FAM120C: variants seen among roughly 807,000 people sequenced by gnomAD.
FAM120C encodes the protein family with sequence similarity 120 member C, also known as constitutive coactivator of PPAR-gamma-like protein 2.
A neutral mutation model predicts 71.2 loss-of-function variants in FAM120C; 14 were observed. The observed-to-expected ratio is 0.20, with a 90% CI of 0.13 to 0.31. FAM120C has a LOEUF of 0.31. Ranked by LOEUF, FAM120C falls within the 10% of genes least tolerant of loss-of-function variation. FAM120C has a pLI of 1.00. For missense variants in FAM120C, 500 were observed against 879.0 expected (o/e 0.57, Z 5.45); for synonymous variants, 354 against 353.2 (o/e 1.00, Z -0.03).
chrX:54,151,159 T>C, intron 4 of FAM120C, 86 bp downstream of exon 4: 1 of 1,040,445 alleles, frequency 9.6e-7, no homozygotes, highest in East Asian at 3.1e-5. Flanking sequence ...AAAACTTAGG[T>C]GTCACAGAAA....
At chrX:54,088,288 TG>T (rs782631666) in intron 11 of FAM120C, among the ~76,000 whole-genome samples, 1 of 111,560 alleles carries the variant, frequency 9.0e-6, no homozygotes, top group Non-Finnish European at 1.9e-5. Context: ...CATATAAAGC[TG>T]GTAAGAAATG....
intron 10 of FAM120C, among the ~76,000 whole-genome samples, chrX:54,114,929 T>C (rs1298476335): frequency 9.2e-6 from 1 of 109,157 alleles, no homozygotes; most frequent in African/African-American, 3.3e-5. Context: ...GTAATTTTTT[T>C]TCTTTTTTTT....
chrX:54,095,067 AAAAACAAAAC>A (rs200090345), intron 10 of FAM120C, among the ~76,000 whole-genome samples: 2 of 110,402 alleles, frequency 1.8e-5, no homozygotes, highest in African/African-American at 6.5e-5. Flanking sequence ...AACTTGTTTC[AAAAACAAAAC>A]AAAACAAAAC....
At chrX:54,143,766 G>A (rs967469283) in intron 4 of FAM120C, among the ~76,000 whole-genome samples, 1 of 111,653 alleles carries the variant, frequency 9.0e-6, no homozygotes, top group African/African-American at 3.3e-5. Context: ...TTCCTTCTGA[G>A]ACTATTCCAA....
chrX:54,174,159 G>A (rs2067303720), intron 1 of FAM120C: 2 of 511,522 alleles, frequency 3.9e-6, no homozygotes, highest in Admixed American at 2.7e-5. Context: ...TCATCAGAGT[G>A]ATCAAGCAAG....
In FAM120C at chrX:54,072,578, CA is replaced by C. The variant is rs781954563; in HGVS notation, c.*454del. On this transcript the variant is annotated 3_prime_UTR_variant, in exon 16 of 16. Coordinates refer to ENST00000375180, the MANE Select transcript of FAM120C (RefSeq NM_017848.6). ...CCACTTCATAGAGAAAAAAAAAAAA[CA>C]AAAAAAAACCTCAGGAGGCCACAGC... 6.9e-5 allele frequency: 7 copies of C among 101,781 alleles called. No homozygotes were observed. The highest frequency in any genetic ancestry group is 1.1e-4 in the Admixed American group (1 of 9,244). 8.4% of individuals were successfully genotyped at this position (101,781 alleles called of 1,213,427 possible). A position where few individuals can be genotyped will look rare whatever the true frequency, so the allele number is the denominator to read the frequency against.
At chrX:54,165,782 AAAT>A (rs1244637920) in intron 1 of FAM120C, among the ~76,000 whole-genome samples, 18 of 109,486 alleles carry the variant, frequency 1.6e-4, no homozygotes, top group African/African-American at 6.1e-4. Flanking sequence ...ATCTCAAAAA[AAAT>A]AATAATAATA....
chrX:54,075,814 A>AG (rs1360243031), intron 15 of FAM120C, among the ~76,000 whole-genome samples: 15 of 105,264 alleles, frequency 1.4e-4, no homozygotes, highest in African/African-American at 5.2e-4. Context: ...AAAAAAAAAA[A>AG]GAATTTAAGA....
chrX:54,118,381 T>G (rs782747339), intron 9 of FAM120C, among the ~76,000 whole-genome samples: 2 of 111,373 alleles, frequency 1.8e-5, no homozygotes, highest in Non-Finnish European at 3.8e-5. Flanking sequence ...GAAGCATATC[T>G]GGGTTGCTTC....
chrX:54,089,771 G>A (rs935188359), intron 11 of FAM120C, among the ~76,000 whole-genome samples: 2 of 110,302 alleles, frequency 1.8e-5, no homozygotes, highest in Non-Finnish European at 3.8e-5. Context: ...AGACCAGCCC[G>A]ACCAACAGAG....
intron 1 of FAM120C, among the ~76,000 whole-genome samples, chrX:54,181,931 TTA>T (rs1280677883): frequency 8.9e-6 from 1 of 112,352 alleles, no homozygotes; most frequent in East Asian, 2.8e-4. Context: ...CAGTGGGTTT[TTA>T]TGTGTTTAGG....
At chrX:54,174,155 G>C in intron 1 of FAM120C, 1 of 513,409 alleles carries the variant, frequency 1.9e-6, no homozygotes, top group Non-Finnish European at 3.5e-6. Context: ...TGCTTCATCA[G>C]AGTGATCAAG....
intron 10 of FAM120C, among the ~76,000 whole-genome samples, chrX:54,102,129 C>G (rs1027031854): frequency 2.7e-5 from 3 of 109,331 alleles, no homozygotes; most frequent in African/African-American, 1.0e-4. Flanking sequence ...CCACCTCCTA[C>G]GCTAAAGTGA....
In FAM120C at chrX:54,069,874, C is replaced by T. The variant is rs1557119907; in HGVS notation, c.*3159G>A. 1 of 111,736 alleles carries T rather than the reference C, an allele frequency of 8.9e-6. No individual in the cohort carries two copies. The highest frequency in any genetic ancestry group is 1.9e-5 in the Non-Finnish European group (1 of 53,152). 9.2% of individuals were successfully genotyped at this position (111,736 alleles called of 1,213,427 possible). A position where few individuals can be genotyped will look rare whatever the true frequency, so the allele number is the denominator to read the frequency against. On this transcript the variant is annotated 3_prime_UTR_variant, in exon 16 of 16. Transcript: ENST00000375180. ...TAGGAGTTATAAGCTGATCCCAAGA[C>T]ACACCAGCAGAAATAAAAAACTGCA...
At chrX:54,112,086 T>C (rs782348274) in intron 10 of FAM120C, among the ~76,000 whole-genome samples, 3 of 112,069 alleles carry the variant, frequency 2.7e-5, no homozygotes, top group Non-Finnish European at 3.8e-5. Context: ...TGCAGAAGCA[T>C]GAAACTGGGC....
intron 5 of FAM120C, 58 bp from the exon 6 acceptor site, chrX:54,135,662 A>G: frequency 1.0e-6 from 1 of 973,413 alleles, no homozygotes; most frequent in Non-Finnish European, 1.5e-6. Context: ...ACCATGTTAT[A>G]TTCTGCTCAC....
intron 11 of FAM120C, among the ~76,000 whole-genome samples, chrX:54,088,591 CAAAAAAAAA>C (rs1230524883): frequency 3.0e-5 from 1 of 32,930 alleles, no homozygotes; most frequent in Non-Finnish European, 4.5e-5. Context: ...GACTCCATCT[CAAAAAAAAA>C]AAAAAAAAAA....
intron 14 of FAM120C, 45 bp from the exon 15 acceptor site, chrX:54,080,334 C>T (rs781959649): frequency 2.9e-6 from 3 of 1,044,469 alleles, no homozygotes; most frequent in South Asian, 1.9e-5. Flanking sequence ...ACATAAAGCC[C>T]ACACACCCCT....
At chrX:54,160,656 T>A (rs782738569) in intron 1 of FAM120C, among the ~76,000 whole-genome samples, 1 of 111,981 alleles carries the variant, frequency 8.9e-6, no homozygotes, top group East Asian at 2.8e-4. Context: ...ACCTCTGTAT[T>A]CCTGGCTCTC....
Sources: gnomAD v4.1 joint callset for allele counts (sites outside exome capture counted in the v4.1 genomes callset) on GRCh38, gnomAD v4.1.1 for gene constraint, MANE v1.5 for transcripts, NCBI Gene and HGNC (gene_info 2026-07-23, HGNC 2026-07-21) for gene names.